Variants in DMXL1 observed in about 807,000 individuals in gnomAD.
DMXL1 encodes the protein dmX-like protein 1.
A neutral mutation model predicts 319.2 loss-of-function variants in DMXL1; 99 were observed. The ratio of observed to expected loss-of-function variants is 0.31; its 90% confidence interval spans 0.26 to 0.37. DMXL1 has a LOEUF of 0.37. Ranked by LOEUF, DMXL1 falls within the 10% of genes least tolerant of loss-of-function variation. DMXL1 has a pLI of 1.00. For synonymous variants in DMXL1, 1,385 were observed against 1,235.2 expected, an observed-to-expected ratio of 1.12 and a Z score of -2.54; for missense variants, 3,745 against 3,595.6, an observed-to-expected ratio of 1.04 and a Z score of -1.06.
intron 19 of DMXL1, 96 bp downstream of exon 19, chr5:119,152,132 G>T: frequency 1.4e-6 from 1 of 732,128 alleles, no homozygotes; most frequent in Non-Finnish European, 2.3e-6. Context: ...AAATGATAAT[G>T]ATGACATATT....
intron 19 of DMXL1, among the ~76,000 whole-genome samples, chr5:119,160,114 A>G (rs1180728437): frequency 2.0e-5 from 3 of 151,706 alleles, no homozygotes; most frequent in African/African-American, 7.3e-5. Flanking sequence ...TTGATGTATA[A>G]TAGTAGGTTG....
chr5:119,174,726 T>C (rs1325264938), intron 25 of DMXL1, among the ~76,000 whole-genome samples: 1 of 152,260 alleles, frequency 6.6e-6, no homozygotes, highest in Non-Finnish European at 1.5e-5. Context: ...TTCTCTTCCT[T>C]AAAACAAATG....
intron 20 of DMXL1, among the ~76,000 whole-genome samples, 153 bp downstream of exon 20, chr5:119,164,829 A>C (rs1487081716): frequency 6.6e-6 from 1 of 152,216 alleles, no homozygotes; most frequent in African/African-American, 2.4e-5. Context: ...AACGTGTTTC[A>C]AAATATCTAA....
chr5:119,165,267 TG>T lies in DMXL1; in HGVS notation c.4961del (p.Gly1654AspfsTer11). The T allele has an allele frequency of 6.3e-7, 1 of 1,577,816 alleles. No homozygotes were observed. The highest frequency in any genetic ancestry group is 8.7e-7 in the Non-Finnish European group (1 of 1,155,728). The stretch of plus-strand genomic sequence containing the variant: ...TGCAATGAAAAAGAAAGCTGTGATT[TG>T]GGGATTATATAGGTAGGTAAAAAAA... ...YLAMKKKAVI[W>X]GLYRAEKNTR... On this transcript the variant is annotated frameshift_variant, in exon 21 of 44. Transcript: ENST00000539542. LOFTEE classifies it high-confidence loss of function.
chr5:119,109,402 T>C (rs1580747382), intron 4 of DMXL1, among the ~76,000 whole-genome samples: 1 of 152,078 alleles, frequency 6.6e-6, no homozygotes, highest in East Asian at 1.9e-4. Context: ...GAAATACAGA[T>C]CCAATTTTGT....
chr5:119,209,976 T>A (rs1782455510), intron 34 of DMXL1, among the ~76,000 whole-genome samples: 1 of 152,210 alleles, frequency 6.6e-6, no homozygotes, highest in African/African-American at 2.4e-5. Context: ...TCATTTTATT[T>A]ATTTATTTTT....
At position 119,071,396 on chromosome 5, in the gene DMXL1, C is replaced by T. The variant is rs1409079803; in HGVS notation, c.-174C>T. On this transcript the variant is annotated 5_prime_UTR_variant, in exon 1 of 44. Transcript: ENST00000539542. ...CCCCTCCGGGCCTCGCCCTCCGGGGCTCGGGATGAGTCGCGGGCCCCAGCT... is the reference window on the plus strand; with the variant it reads ...CCCCTCCGGGCCTCGCCCTCCGGGGTTCGGGATGAGTCGCGGGCCCCAGCT... 5 of 616,480 alleles carry T rather than the reference C, an allele frequency of 8.1e-6. No homozygotes were observed. The highest frequency in any genetic ancestry group is 4.0e-5 in the South Asian group (2 of 50,334). The allele number at this position is 616,480 out of a possible 1,614,324, so 38.2% of individuals were successfully genotyped here.
intron 27 of DMXL1, 108 bp downstream of exon 27, chr5:119,177,592 A>G: frequency 1.1e-6 from 1 of 900,882 alleles, no homozygotes; most frequent in Non-Finnish European, 1.6e-6. Context: ...AAATACTGTT[A>G]GAATTGATAC....
At chr5:119,137,554 A>G (rs1038175593) in intron 13 of DMXL1, among the ~76,000 whole-genome samples, 2 of 152,204 alleles carry the variant, frequency 1.3e-5, no homozygotes, top group Admixed American at 1.3e-4. Flanking sequence ...TATAATTGCC[A>G]CATATCAAGG....
chr5:119,167,588 TA>T lies in DMXL1; in HGVS notation c.5137-14del, dbSNP rs1243180316. 5 of 1,538,858 alleles carry T rather than the reference TA, an allele frequency of 3.2e-6. No homozygotes were observed. Among genetic ancestry groups the T allele is most frequent in the African/African-American group, 2.8e-5 (2 of 72,016 alleles). Reference sequence around the variant, plus strand: ...CCTGCTCCTGCTTATTTAAAAACAATATTTTTTTTTAAAGGTATGTCTTGAG... The same window carrying T: ...CCTGCTCCTGCTTATTTAAAAACAATTTTTTTTTTAAAGGTATGTCTTGAG... On this transcript the variant is annotated splice_polypyrimidine_tract_variant and intron_variant, in intron 22 of 43. Coordinates refer to ENST00000539542, the MANE Select transcript of DMXL1 (RefSeq NM_001290321.3).
chr5:119,196,371 T>C lies in DMXL1; in HGVS notation c.7458T>C (p.Ser2486=). 6.2e-7 allele frequency: 1 copy of C among 1,613,166 alleles called. No homozygotes were observed. Among genetic ancestry groups the C allele is most frequent in the Non-Finnish European group, 8.5e-7 (1 of 1,179,146 alleles). Residue 2486 remains serine, a splice_region_variant and synonymous_variant, in exon 31 of 44, where the codon AGT becomes AGC. Transcript: ENST00000539542. Reference sequence around the variant, plus strand: ...AGATCCATCGTTGCTTTATTTTTAGTTGGTCCTTGATGCGGTTGGCGATGG... The same window carrying C: ...AGATCCATCGTTGCTTTATTTTTAGCTGGTCCTTGATGCGGTTGGCGATGG... ...LQEHSNSNSY[S]WSLMRLAMVQ...
At chr5:119,085,283 A>T (rs1753106641) in intron 1 of DMXL1, among the ~76,000 whole-genome samples, 1 of 151,880 alleles carries the variant, frequency 6.6e-6, no homozygotes, top group African/African-American at 2.4e-5. Flanking sequence ...GTGAACCAAG[A>T]TTGGTGCCAC....
intron 43 of DMXL1, among the ~76,000 whole-genome samples, chr5:119,245,819 G>A (rs979604400): frequency 1.3e-5 from 2 of 151,976 alleles, no homozygotes; most frequent in Admixed American, 6.6e-5. Flanking sequence ...TGGGATTACA[G>A]TTGTGAGCCA....
At chr5:119,229,599 A>G (rs1786280062) in intron 38 of DMXL1, among the ~76,000 whole-genome samples, 1 of 152,194 alleles carries the variant, frequency 6.6e-6, no homozygotes, top group Non-Finnish European at 1.5e-5. Flanking sequence ...TAGGACAAAA[A>G]TTATTCTTTT....
At chr5:119,243,715 T>G (rs1409380563) in intron 42 of DMXL1, among the ~76,000 whole-genome samples, 1 of 152,188 alleles carries the variant, frequency 6.6e-6, no homozygotes, top group Non-Finnish European at 1.5e-5. Context: ...TGCCTCTAAT[T>G]AACTTAAAAT....
intron 1 of DMXL1, among the ~76,000 whole-genome samples, chr5:119,079,339 G>T (rs1751676912): frequency 6.6e-6 from 1 of 152,172 alleles, no homozygotes; most frequent in Non-Finnish European, 1.5e-5. Flanking sequence ...ATTGTCCAGG[G>T]TTAATCAGTC....
chr5:119,168,014 T>C, intron 23 of DMXL1, 150 bp downstream of exon 23: 1 of 656,130 alleles, frequency 1.5e-6, no homozygotes, highest in Non-Finnish European at 2.3e-6. Context: ...GGTTTTTTTC[T>C]CCAGAAAGAT....
intron 35 of DMXL1, 74 bp from the exon 36 acceptor site, chr5:119,220,398 C>A: frequency 1.4e-6 from 2 of 1,407,086 alleles, no homozygotes; most frequent in African/African-American, 2.8e-5. Context: ...TCAAAACTAC[C>A]ATTTTCAAAA....
rs995524788 is a variant in DMXL1 at position 119,221,115 on chromosome 5, G to A, written c.8277+34G>A. The A allele has an allele frequency of 8.0e-6, 12 of 1,495,368 alleles. No homozygotes were observed. The African/African-American group carries it at 1.3e-4, about 16-fold the overall frequency. The allele number at this position is 1,495,368 out of a possible 1,614,324, so 92.6% of individuals were successfully genotyped here. A position where few individuals can be genotyped will look rare whatever the true frequency, so the allele number is the denominator to read the frequency against. On this transcript the variant is annotated intron_variant, in intron 37 of 43. Transcript: ENST00000539542. ...AGTTAAAAATAAATTTAAGTTATATGTAACTTTTATTTTTCCCTCTAGGTT... is the reference window on the plus strand; with the variant it reads ...AGTTAAAAATAAATTTAAGTTATATATAACTTTTATTTTTCCCTCTAGGTT...
Sources: gnomAD v4.1 joint callset for allele counts (sites outside exome capture counted in the v4.1 genomes callset) on GRCh38, gnomAD v4.1.1 for gene constraint, MANE v1.5 for transcripts, NCBI Gene and HGNC (gene_info 2026-07-23, HGNC 2026-07-21) for gene names.